EFCAB6: variants seen among roughly 807,000 people sequenced by gnomAD.
EFCAB6 encodes EF-hand calcium-binding domain-containing protein 6.
In EFCAB6, 156 loss-of-function variants were observed where a neutral mutation model predicts 169.8. The ratio of observed to expected loss-of-function variants is 0.92; its 90% confidence interval spans 0.81 to 1.05. The LOEUF is 1.05. Among genes scored for constraint, EFCAB6 ranks in the 50% least tolerant of loss-of-function variants. The pLI is 0.00. For missense variants in EFCAB6, 1,800 were observed against 1,829.1 expected, an observed-to-expected ratio of 0.98 and a Z score of 0.29; for synonymous variants, 698 against 676.4, an observed-to-expected ratio of 1.03 and a Z score of -0.50.
intron 21 of EFCAB6, among the ~76,000 whole-genome samples, chr22:43,610,044 A>G (rs2053196277): frequency 6.6e-6 from 1 of 152,188 alleles, no homozygotes; most frequent in African/African-American, 2.4e-5. Flanking sequence ...TCTAGTCCAG[A>G]TTTCAAGACC....
chr22:43,790,575 G>A (rs1043356393), intron 2 of EFCAB6, among the ~76,000 whole-genome samples: 1 of 152,210 alleles, frequency 6.6e-6, no homozygotes, highest in African/African-American at 2.4e-5. Context: ...ATGCAGTTAG[G>A]AAGACAAGGA....
chr22:43,721,936 A>C (rs959172273), intron 8 of EFCAB6, among the ~76,000 whole-genome samples: 25 of 152,200 alleles, frequency 1.6e-4, no homozygotes, highest in African/African-American at 4.8e-4. Flanking sequence ...AGCAAAAGAA[A>C]CTATCAATAA....
At chr22:43,682,315 G>A (rs1483104915) in intron 12 of EFCAB6, among the ~76,000 whole-genome samples, 1 of 152,192 alleles carries the variant, frequency 6.6e-6, no homozygotes, top group Non-Finnish European at 1.5e-5. Flanking sequence ...CGGGGGCCCA[G>A]CATGGACTAC....
In EFCAB6 at chr22:43,600,169, CT is replaced by C. The variant is rs749768527; in HGVS notation, c.2775del (p.Glu926ArgfsTer20). 1 of 1,614,180 alleles carries C rather than the reference CT, an allele frequency of 6.2e-7. No individual in the cohort carries two copies. Among genetic ancestry groups the C allele is most frequent in the Non-Finnish European group, 8.5e-7 (1 of 1,180,018 alleles). On this transcript the variant is annotated frameshift_variant, in exon 23 of 32. Transcript: ENST00000262726. LOFTEE classifies it high-confidence loss of function. ...TGACCCATGAAGTTGAAATAATCCTCTGCACAGGGCCGATGGACAGCAGGCG... is the reference window on the plus strand; with the variant it reads ...TGACCCATGAAGTTGAAATAATCCTCGCACAGGGCCGATGGACAGCAGGCG... Reference protein sequence around the residue: ...NYSPAVHRPCAEDYFNFMGHF... With the variant: ...NYSPAVHRPCXEDYFNFMGHF...
In EFCAB6 at chr22:43,583,104, T is replaced by C. The variant is rs148699756; in HGVS notation, c.3033-2445A>G. Among the ~76,000 whole-genome samples the C allele has an allele frequency of 2.3e-3, 346 of 152,192 alleles. 1 individual carries two copies. The highest frequency in any genetic ancestry group is 0.014 in the Middle Eastern group (4 of 294). On this transcript the variant is annotated intron_variant, in intron 24 of 31. Coordinates refer to ENST00000262726, the MANE Select transcript of EFCAB6 (RefSeq NM_022785.4). ...AGCTACTCTCTTTTCTCCAGAACCT[T>C]GAACTTGGACCCACCTCAGCCAAAG... is the stretch of plus-strand genomic sequence containing the variant.
At chr22:43,651,077 G>A (rs2056442385) in intron 17 of EFCAB6, among the ~76,000 whole-genome samples, 1 of 152,208 alleles carries the variant, frequency 6.6e-6, no homozygotes, top group African/African-American at 2.4e-5. Context: ...GCAGAAATGT[G>A]CATAAGTAAC....
In EFCAB6 at chr22:43,667,200, T is replaced by C. The variant is rs2057302873; in HGVS notation, c.1887A>G (p.Lys629=). 1.9e-6 allele frequency: 3 copies of C among 1,614,190 alleles called. No individual in the cohort carries two copies. Among genetic ancestry groups the C allele is most frequent in the Non-Finnish European group, 2.5e-6 (3 of 1,180,012 alleles). ...MTTEEVIEKF[K]KCIQQQDPAF... is the part of the protein sequence containing the mutation. ...CCGGGTCCTGCTGCTGTATACACTTTTTGAATTTTTCAATCACTTCTTCTG... is the reference window on the plus strand; with the variant it reads ...CCGGGTCCTGCTGCTGTATACACTTCTTGAATTTTTCAATCACTTCTTCTG... Residue 629 remains lysine, a synonymous_variant, in exon 17 of 32, where the codon AAA becomes AAG. Transcript: ENST00000262726.
At chr22:43,552,707 C>T (rs1480038592) in intron 27 of EFCAB6, 1 of 152,012 alleles carries the variant, frequency 6.6e-6, no homozygotes, top group Non-Finnish European at 1.5e-5. Flanking sequence ...TCTTAGTGGA[C>T]AATTAAAATT....
chr22:43,554,735 T>C lies in EFCAB6; in HGVS notation c.3648+134A>G, dbSNP rs3747201. 264 of 752,344 alleles carry C rather than the reference T, an allele frequency of 3.5e-4. 3 individuals carry two copies. The East Asian group carries it at 5.7e-3, about 16-fold the overall frequency. 46.6% of individuals were successfully genotyped at this position (752,344 alleles called of 1,614,324 possible). Reference sequence around the variant, plus strand: ...AGATTCCTGTGAATCTTCAGGAAGATTGAAAAACAAAATAACAAAACTGCA... The same window carrying C: ...AGATTCCTGTGAATCTTCAGGAAGACTGAAAAACAAAATAACAAAACTGCA... On this transcript the variant is annotated intron_variant, in intron 27 of 31. Coordinates refer to ENST00000262726, the MANE Select transcript of EFCAB6 (RefSeq NM_022785.4).
chr22:43,677,402 C>T (rs1188057329), intron 13 of EFCAB6, among the ~76,000 whole-genome samples: 1 of 152,176 alleles, frequency 6.6e-6, no homozygotes, highest in Non-Finnish European at 1.5e-5. Flanking sequence ...AATCCCAGCA[C>T]TTTGGGAGGC....
chr22:43,593,462 C>T (rs1474458422), intron 23 of EFCAB6, among the ~76,000 whole-genome samples: 1 of 152,198 alleles, frequency 6.6e-6, no homozygotes, highest in Admixed American at 6.5e-5. Flanking sequence ...AGAGAAGACA[C>T]GAGTGGGTAA....
intron 24 of EFCAB6, among the ~76,000 whole-genome samples, chr22:43,582,124 G>A (rs1426110551): frequency 6.6e-6 from 1 of 152,112 alleles, no homozygotes; most frequent in African/African-American, 2.4e-5. Context: ...CAGTCCTTTT[G>A]TTGTTGTTTA....
chr22:43,554,450 C>T, intron 27 of EFCAB6: 1 of 177,304 alleles, frequency 5.6e-6, no homozygotes, highest in South Asian at 1.3e-4. Flanking sequence ...ACTCTTGCAA[C>T]ATATTTTCAT....
At chr22:43,736,049 T>G in intron 6 of EFCAB6, 56 bp from the exon 7 acceptor site, 2 of 1,476,014 alleles carry the variant, frequency 1.4e-6, no homozygotes, top group Non-Finnish European at 1.8e-6. Context: ...AGGAACCAAA[T>G]GGTAATAAAA....
At chr22:43,587,826 C>A (rs1355337358) in intron 24 of EFCAB6, among the ~76,000 whole-genome samples, 1 of 152,216 alleles carries the variant, frequency 6.6e-6, no homozygotes, top group Non-Finnish European at 1.5e-5. Context: ...ATTCAGCCTT[C>A]TGTGACCAGT....
At chr22:43,651,194 A>G (rs1478044966) in intron 17 of EFCAB6, among the ~76,000 whole-genome samples, 1 of 152,198 alleles carries the variant, frequency 6.6e-6, no homozygotes, top group Non-Finnish European at 1.5e-5. Flanking sequence ...TCTAGGAGGA[A>G]AAAGCAGTTT....
intron 2 of EFCAB6, among the ~76,000 whole-genome samples, chr22:43,786,421 C>T (rs2062079462): frequency 6.6e-6 from 1 of 151,940 alleles, no homozygotes; most frequent in Non-Finnish European, 1.5e-5. Context: ...TCAGAAAAGA[C>T]ATTAGAAAAA....
intron 6 of EFCAB6, among the ~76,000 whole-genome samples, chr22:43,750,043 T>TG (rs2060701627): frequency 6.6e-6 from 1 of 152,150 alleles, no homozygotes; most frequent in Non-Finnish European, 1.5e-5. Context: ...CTCCAGACTG[T>TG]ACCCCCACAC....
At chr22:43,657,748 A>T (rs1474987901) in intron 17 of EFCAB6, among the ~76,000 whole-genome samples, 2 of 152,212 alleles carry the variant, frequency 1.3e-5, no homozygotes, top group African/African-American at 4.8e-5. Flanking sequence ...TAATCAATAT[A>T]ACAGCAAAAT....
Sources: gnomAD v4.1 joint callset for allele counts (sites outside exome capture counted in the v4.1 genomes callset) on GRCh38, gnomAD v4.1.1 for gene constraint, MANE v1.5 for transcripts, NCBI Gene and HGNC (gene_info 2026-07-23, HGNC 2026-07-21) for gene names.